RETREG3: variants seen among roughly 807,000 people sequenced by gnomAD.
The protein encoded by RETREG3 is reticulophagy regulator family member 3, also known as reticulophagy regulator 3.
A neutral mutation model predicts 50.2 loss-of-function variants in RETREG3; 23 were observed. That is an observed-to-expected ratio of 0.46 (90% confidence interval 0.33 to 0.65). The LOEUF (loss-of-function observed/expected upper bound fraction) is 0.65. Ranked by LOEUF, RETREG3 falls within the 30% of genes least tolerant of loss-of-function variation. The probability of loss-of-function intolerance (pLI) is 0.02; values close to 1 mark genes in which losing one functional copy is unlikely to be tolerated. For synonymous variants in RETREG3, 240 were observed against 234.4 expected, an observed-to-expected ratio of 1.02 and a Z score of -0.22; for missense variants, 546 against 598.0, an observed-to-expected ratio of 0.91 and a Z score of 0.91.
chr17:42,609,393 G>A, upstream of RETREG3: 1 of 1,483,892 alleles, frequency 6.7e-7, no homozygotes, highest in Non-Finnish European at 9.0e-7. Flanking sequence ...CTGCGCAGAT[G>A]CGCGATTCGG....
In RETREG3 at chr17:42,580,270, T is replaced by C. The variant is rs2143359270; in HGVS notation, c.*1543A>G. The C allele has an allele frequency of 6.5e-6, 1 of 152,746 alleles. No homozygotes were observed. The highest frequency in any genetic ancestry group is 1.5e-5 in the Non-Finnish European group (1 of 68,026). The allele number at this position is 152,746 out of a possible 1,614,324, so 9.5% of individuals were successfully genotyped here. ...GGGAAGCAGTTGAAAATAAAAGCTG[T>C]AAAGGAGCTGAACAGGAAGTAAGAA... is the stretch of plus-strand genomic sequence containing the variant. On this transcript the variant is annotated 3_prime_UTR_variant, in exon 9 of 9. Transcript: ENST00000309428.
chr17:42,585,314 A>C (rs1206440031), intron 5 of RETREG3, 52 bp from the exon 6 acceptor site: 36 of 1,601,786 alleles, frequency 2.2e-5, no homozygotes, highest in Non-Finnish European at 2.9e-5. Context: ...GCTGCAAAAA[A>C]CATTCCCAAC....
At chr17:42,590,488 AT>A (rs1426052669) in intron 2 of RETREG3, among the ~76,000 whole-genome samples, 18 of 152,250 alleles carry the variant, frequency 1.2e-4, no homozygotes, top group African/African-American at 4.3e-4. Flanking sequence ...CCTGACCAAC[AT>A]GGAGAAACCC....
chr17:42,582,849 C>T, intron 7 of RETREG3, 43 bp from the exon 8 acceptor site: 1 of 1,612,660 alleles, frequency 6.2e-7, no homozygotes, highest in Non-Finnish European at 8.5e-7. Context: ...CCATCAGGAA[C>T]CAGGTGTAGT....
At position 42,580,072 on chromosome 17, in the gene RETREG3, G is replaced by A. The variant is rs2093104106; in HGVS notation, c.*1741C>T. ...GTTTGGCTTGAGCTCTGCTTGGGGA[G>A]GCAGAGGCTATAGACTGGCACAGGT... is the stretch of plus-strand genomic sequence containing the variant. On this transcript the variant is annotated 3_prime_UTR_variant, in exon 9 of 9. Coordinates refer to ENST00000309428, the MANE Select transcript of RETREG3 (RefSeq NM_178126.4). 6.5e-6 allele frequency: 1 copy of A among 152,804 alleles called. No individual in the cohort carries two copies. The highest frequency in any genetic ancestry group is 1.5e-5 in the Non-Finnish European group (1 of 68,092). The allele number at this position is 152,804 out of a possible 1,614,324, so 9.5% of individuals were successfully genotyped here.
At chr17:42,584,130 C>G (rs1355196589) in intron 6 of RETREG3, among the ~76,000 whole-genome samples, 2 of 152,174 alleles carry the variant, frequency 1.3e-5, no homozygotes, top group Non-Finnish European at 2.9e-5. Context: ...CTATTCTGGT[C>G]AGATGATCAA....
intron 1 of RETREG3, chr17:42,598,805 G>C (rs2093153069): frequency 6.6e-6 from 1 of 152,080 alleles, no homozygotes; most frequent in South Asian, 2.1e-4. Context: ...CAAGGCCTTG[G>C]CATGTAACAG....
Position 42,592,045 on chromosome 17 carries a change from AC to A in RETREG3, c.346+10del. 1 of 1,607,408 alleles carries A rather than the reference AC, an allele frequency of 6.2e-7. No homozygotes were observed. The highest frequency in any genetic ancestry group is 1.1e-5 in the South Asian group (1 of 90,292). ...TTCAGTTCAGATTGTTCTAAATGCT[AC>A]CAAACTCACCTTTTATTTCAGGCCA... On this transcript the variant is annotated intron_variant, in intron 2 of 8. Coordinates refer to ENST00000309428, the MANE Select transcript of RETREG3 (RefSeq NM_178126.4).
chr17:42,585,073 TC>T (rs1401273303), intron 6 of RETREG3, 51 bp downstream of exon 6: 11 of 1,599,042 alleles, frequency 6.9e-6, no homozygotes, highest in Non-Finnish European at 9.4e-6. Flanking sequence ...TATGGGCTTC[TC>T]CTTTTCGCCC....
At chr17:42,584,241 C>T (rs1281398136) in intron 6 of RETREG3, among the ~76,000 whole-genome samples, 2 of 152,152 alleles carry the variant, frequency 1.3e-5, no homozygotes, top group Non-Finnish European at 2.9e-5. Context: ...GAGATGCACA[C>T]CTTGTTAAAT....
At chr17:42,590,633 C>G (rs534128053) in intron 2 of RETREG3, among the ~76,000 whole-genome samples, 1 of 152,128 alleles carries the variant, frequency 6.6e-6, no homozygotes, top group South Asian at 2.1e-4. Context: ...GATTGCGCCA[C>G]TGCACTCCAG....
At chr17:42,609,006 C>T (rs979775696) in intron 1 of RETREG3, 80 bp downstream of exon 1, 1 of 1,401,962 alleles carries the variant, frequency 7.1e-7, no homozygotes, top group Non-Finnish European at 9.7e-7. Flanking sequence ...GCGAAGAAAA[C>T]AGGGCAGGCG....
chr17:42,591,410 G>A (rs1378936967), intron 2 of RETREG3, among the ~76,000 whole-genome samples: 11 of 150,426 alleles, frequency 7.3e-5, no homozygotes, highest in Non-Finnish European at 1.0e-4. Flanking sequence ...GCACGATCTC[G>A]GCTCACTGCA....
At chr17:42,599,142 G>T (rs2093153766) in intron 1 of RETREG3, 1 of 152,172 alleles carries the variant, frequency 6.6e-6, no homozygotes, top group African/African-American at 2.4e-5. Flanking sequence ...ATGTGCTGCT[G>T]CTGGGGAAGG....
intron 1 of RETREG3, among the ~76,000 whole-genome samples, chr17:42,597,615 ATATATTTTTTTTTTTTT>A (rs1567925549): frequency 0.018 from 389 of 21,482 alleles, 13 homozygotes; most frequent in Admixed American, 0.032. Flanking sequence ...ATATATATAT[ATATATTTTTTTTTTTTT>A]TTTTTTTTTT....
At position 42,609,112 on chromosome 17, in the gene RETREG3, C is replaced by T; in HGVS notation, c.213G>A (p.Trp71Ter). Residue 71 changes from tryptophan (W) to a stop codon, truncating the protein, a stop_gained, in exon 1 of 9, where the codon TGG becomes TGA. Coordinates refer to ENST00000309428, the MANE Select transcript of RETREG3 (RefSeq NM_178126.4). LOFTEE classifies it high-confidence loss of function. ...VWERPARSALWCLGLNAAFWF... is the reference protein window; with the variant it reads ...VWERPARSAL Reference sequence around the variant, plus strand: ...AGAAAGCCGCGTTCAGCCCCAGGCACCACAGAGCGCTCCTAGCTGGCCGCT... The same window carrying T: ...AGAAAGCCGCGTTCAGCCCCAGGCATCACAGAGCGCTCCTAGCTGGCCGCT... 6.2e-7 allele frequency: 1 copy of T among 1,608,140 alleles called. No individual in the cohort carries two copies. Among genetic ancestry groups the T allele is most frequent in the Non-Finnish European group, 8.5e-7 (1 of 1,179,870 alleles).
In RETREG3 at chr17:42,586,813, G is replaced by A. The variant is rs2093122248; in HGVS notation, c.456C>T (p.Thr152=). 6.2e-7 allele frequency: 1 copy of A among 1,613,984 alleles called. No individual in the cohort carries two copies. The highest frequency in any genetic ancestry group is 1.7e-5 in the Admixed American group (1 of 59,994). Residue 152 remains threonine, a synonymous_variant, in exon 4 of 9, where the codon ACC becomes ACT. Coordinates refer to ENST00000309428, the MANE Select transcript of RETREG3 (RefSeq NM_178126.4). The part of the protein sequence containing the change: ...HHVAEVWVSG[T]IFIRNVLLFK... Reference sequence around the variant, plus strand: ...AAAGCAAAACATTCCTTATGAAAATGGTCCCACTAACCCAGACTTCAGCTA... The same window carrying A: ...AAAGCAAAACATTCCTTATGAAAATAGTCCCACTAACCCAGACTTCAGCTA...
At chr17:42,583,437 G>A (rs1481654801) in intron 7 of RETREG3, 61 bp downstream of exon 7, 57 of 1,528,376 alleles carry the variant, frequency 3.7e-5, no homozygotes, top group South Asian at 1.7e-4. Context: ...GTGAGCTGTC[G>A]GATGGTTAAA....
intron 1 of RETREG3, chr17:42,608,796 G>A: frequency 5.3e-6 from 2 of 376,624 alleles, no homozygotes; most frequent in South Asian, 1.2e-4. Context: ...GCTCAAAAGA[G>A]GAGCCCTCGC....
Sources: allele counts gnomAD v4.1 joint callset (sites outside exome capture counted in the v4.1 genomes callset), GRCh38; gene constraint gnomAD v4.1.1; transcripts MANE v1.5; gene names NCBI Gene and HGNC (gene_info 2026-07-23, HGNC 2026-07-21).